The following CEP43 variants were observed in gnomAD, a reference collection of about 807,000 sequenced individuals.
CEP43 encodes the protein FGFR1 oncogene partner.
In CEP43, 36 loss-of-function variants were observed where a neutral mutation model predicts 52.6. The ratio of observed to expected loss-of-function variants is 0.68; its 90% confidence interval spans 0.52 to 0.90. The LOEUF (loss-of-function observed/expected upper bound fraction) is 0.90, where lower values mean the gene tolerates loss of function less well. Among genes scored for constraint, CEP43 ranks in the 40% least tolerant of loss-of-function variants. CEP43 has a pLI of 0.00. For missense variants in CEP43, 506 were observed against 472.8 expected (o/e 1.07, Z -0.65); for synonymous variants, 192 against 172.4 (o/e 1.11, Z -0.89).
intron 2 of CEP43, among the ~76,000 whole-genome samples, chr6:167,000,598 C>T (rs1166857327): frequency 2.6e-5 from 4 of 152,236 alleles, no homozygotes; most frequent in African/African-American, 9.6e-5. Context: ...GTCCCACCAA[C>T]CATCCTGAGT....
chr6:167,001,218 G>A (rs1779728663), intron 2 of CEP43, among the ~76,000 whole-genome samples: 1 of 152,178 alleles, frequency 6.6e-6, no homozygotes, highest in Admixed American at 6.5e-5. Context: ...TTTCCTTACT[G>A]CTTTAGAAGA....
At chr6:166,999,933 C>T (rs1013966832) in intron 1 of CEP43, 127 bp from the exon 2 acceptor site, 1 of 692,024 alleles carries the variant, frequency 1.4e-6, no homozygotes, top group Non-Finnish European at 2.5e-6. Flanking sequence ...TTTCGGAAGG[C>T]GTTTCTGACC....
chr6:167,013,687 C>A, intron 7 of CEP43, 120 bp downstream of exon 7: 1 of 790,806 alleles, frequency 1.3e-6, no homozygotes, highest in Non-Finnish European at 2.1e-6. Flanking sequence ...TGAAATGTCA[C>A]TTGAGGCTGG....
intron 12 of CEP43, among the ~76,000 whole-genome samples, chr6:167,037,686 G>C (rs937099009): frequency 1.3e-5 from 2 of 152,304 alleles, no homozygotes; most frequent in South Asian, 2.1e-4. Flanking sequence ...GAGGATATGT[G>C]GGGGGCAGAT....
chr6:167,001,309 C>T (rs1280859318), intron 2 of CEP43, among the ~76,000 whole-genome samples: 1 of 152,058 alleles, frequency 6.6e-6, no homozygotes, highest in Non-Finnish European at 1.5e-5. Context: ...TATCTTTGAC[C>T]CCTTCCTTTT....
intron 12 of CEP43, among the ~76,000 whole-genome samples, chr6:167,038,285 G>A (rs1780623972): frequency 6.6e-6 from 1 of 151,848 alleles, no homozygotes; most frequent in Non-Finnish European, 1.5e-5. Context: ...GACTCCATGG[G>A]CCGTCCTGTC....
chr6:167,000,579 T>C (rs977726768), intron 2 of CEP43, among the ~76,000 whole-genome samples: 2 of 152,228 alleles, frequency 1.3e-5, no homozygotes, highest in African/African-American at 4.8e-5. Flanking sequence ...GTAATTTAAC[T>C]TTTTCGGAGT....
chr6:167,007,407 G>A (rs1255396241), intron 5 of CEP43, among the ~76,000 whole-genome samples: 1 of 152,092 alleles, frequency 6.6e-6, no homozygotes, highest in Non-Finnish European at 1.5e-5. Context: ...AAAGGTAGTT[G>A]TTTTACTCCC....
intron 12 of CEP43, chr6:167,036,039 C>A (rs376638476): frequency 6.1e-6 from 6 of 982,782 alleles, no homozygotes; most frequent in Non-Finnish European, 7.2e-6. Context: ...ACATTTCTGT[C>A]GTAGGCACAG....
intron 5 of CEP43, among the ~76,000 whole-genome samples, chr6:167,008,386 T>C (rs1779902387): frequency 6.6e-6 from 1 of 152,194 alleles, no homozygotes; most frequent in African/African-American, 2.4e-5. Context: ...AGTAGTGATC[T>C]GCACTGGTTA....
intron 10 of CEP43, among the ~76,000 whole-genome samples, chr6:167,031,711 C>CT (rs1343962283): frequency 6.6e-6 from 1 of 152,154 alleles, no homozygotes; most frequent in Admixed American, 6.5e-5. Context: ...CTTCCTGGGT[C>CT]TTTCATAGGC....
intron 12 of CEP43, among the ~76,000 whole-genome samples, chr6:167,037,047 C>G (rs1241559562): frequency 2.0e-5 from 3 of 152,178 alleles, no homozygotes; most frequent in Non-Finnish European, 4.4e-5. Context: ...CTCTTGTGAT[C>G]CCCCCGCCTT....
intron 10 of CEP43, chr6:167,027,823 A>T (rs1394066639): frequency 1.0e-6 from 1 of 973,518 alleles, no homozygotes; most frequent in Non-Finnish European, 1.2e-6. Context: ...GGTGCCTAGT[A>T]AATGTTAGTT....
rs908146448 is a variant in CEP43 at position 167,040,158 on chromosome 6, T to A, written c.*180T>A. 52 of 1,537,056 alleles carry A rather than the reference T, an allele frequency of 3.4e-5. No homozygotes were observed. Among genetic ancestry groups the A allele is most frequent in the Non-Finnish European group, 4.5e-5 (52 of 1,144,620 alleles). ...TTTACTAAACAAAATACTTCCTATT[T>A]GAGCCCATGTGTGGAAGATTTAATA... On this transcript the variant is annotated 3_prime_UTR_variant, in exon 13 of 13. Transcript: ENST00000366847.
Position 167,040,778 on chromosome 6 carries a change from T to C in CEP43, c.*800T>C. On this transcript the variant is annotated 3_prime_UTR_variant, in exon 13 of 13. Coordinates refer to ENST00000366847, the MANE Select transcript of CEP43 (RefSeq NM_007045.4). ...TGCATCTGAAACCATTAAGCAGTGCTTTTATTTCAGATCTGTAAGTTAATT... is the reference window on the plus strand; with the variant it reads ...TGCATCTGAAACCATTAAGCAGTGCCTTTATTTCAGATCTGTAAGTTAATT... 2 of 1,011,718 alleles carry C rather than the reference T, an allele frequency of 2.0e-6. No homozygotes were observed. The highest frequency in any genetic ancestry group is 2.4e-6 in the Non-Finnish European group (2 of 841,988). 62.7% of individuals were successfully genotyped at this position (1,011,718 alleles called of 1,614,324 possible). A position where few individuals can be genotyped will look rare whatever the true frequency, so the allele number is the denominator to read the frequency against.
At chr6:167,003,332 CTTT>C in intron 3 of CEP43, 85 bp downstream of exon 3, 3 of 712,524 alleles carry the variant, frequency 4.2e-6, no homozygotes, top group Non-Finnish European at 6.9e-6. Context: ...AATTTCAGGG[CTTT>C]TTTTTTGTCT....
chr6:167,012,564 C>T (rs1780008974), intron 6 of CEP43, among the ~76,000 whole-genome samples: 1 of 152,124 alleles, frequency 6.6e-6, no homozygotes, highest in Admixed American at 6.6e-5. Context: ...GTACCTATAG[C>T]ATTTGACTAT....
chr6:167,003,937 A>C (rs1159236590), intron 4 of CEP43, 126 bp downstream of exon 4: 4 of 681,148 alleles, frequency 5.9e-6, no homozygotes, highest in Non-Finnish European at 9.7e-6. Context: ...TTGGTAGTTG[A>C]TTATCTGTTT....
intron 3 of CEP43, chr6:167,003,457 A>G (rs1583266565): frequency 2.0e-6 from 1 of 508,968 alleles, no homozygotes; most frequent in East Asian, 3.1e-5. Context: ...TTTTACTACA[A>G]AAAGCCAATA....
Sources: allele counts gnomAD v4.1 joint callset (sites outside exome capture counted in the v4.1 genomes callset), GRCh38; gene constraint gnomAD v4.1.1; transcripts MANE v1.5; gene names NCBI Gene and HGNC (gene_info 2026-07-23, HGNC 2026-07-21).